COL8A1: variants seen among roughly 807,000 people sequenced by gnomAD.
The protein encoded by COL8A1 is collagen alpha-1(VIII) chain.
COL8A1 carries 21 observed loss-of-function variants against 42.7 expected under a neutral mutation model. That is an observed-to-expected ratio of 0.49 (90% CI 0.35 to 0.71). COL8A1 has a LOEUF of 0.71. COL8A1 is among the 30% of genes least tolerant of loss of function. COL8A1 has a pLI of 0.01. For missense variants in COL8A1, 788 were observed against 962.4 expected, an observed-to-expected ratio of 0.82 and a Z score of 2.40; for synonymous variants, 367 against 369.1, an observed-to-expected ratio of 0.99 and a Z score of 0.06.
chr3:99,650,770 T>A (rs2107289308), intron 1 of COL8A1, among the ~76,000 whole-genome samples: 1 of 152,292 alleles, frequency 6.6e-6, no homozygotes, highest in East Asian at 1.9e-4. Context: ...TTTATTTTAA[T>A]CTCTTTAAAT....
intron 1 of COL8A1, among the ~76,000 whole-genome samples, chr3:99,642,549 C>A (rs1299186807): frequency 6.6e-6 from 1 of 152,214 alleles, no homozygotes; most frequent in Non-Finnish European, 1.5e-5. Flanking sequence ...ACACACCTGA[C>A]AATTCACCTT....
intron 1 of COL8A1, among the ~76,000 whole-genome samples, chr3:99,734,566 T>C (rs557998742): frequency 5.3e-5 from 8 of 152,170 alleles, no homozygotes; most frequent in Non-Finnish European, 8.8e-5. Flanking sequence ...TGTAGTATAG[T>C]TTGAAGTCAG....
At chr3:99,709,911 C>A (rs1048199031) in intron 1 of COL8A1, among the ~76,000 whole-genome samples, 3 of 152,176 alleles carry the variant, frequency 2.0e-5, no homozygotes, top group Admixed American at 6.5e-5. Flanking sequence ...CTTTTAAGAG[C>A]CAACTCCCTT....
chr3:99,700,645 C>CT (rs1359448351), intron 1 of COL8A1, among the ~76,000 whole-genome samples: 12 of 152,226 alleles, frequency 7.9e-5, no homozygotes, highest in African/African-American at 2.6e-4. Context: ...ATTTGGCTGC[C>CT]TTTTTTCCAT....
In COL8A1 at chr3:99,774,658, C is replaced by T. The variant is rs1269244506; in HGVS notation, c.-3-16022C>T. On this transcript the variant is annotated intron_variant, in intron 2 of 3. Transcript: ENST00000652472. The stretch of plus-strand genomic sequence containing the variant: ...ACACGTGAACAAGAGTTTAATGTTT[C>T]CCTGTTACTCATTTCACAGAGATTG... Among the ~76,000 whole-genome samples the T allele has an allele frequency of 2.0e-5, 3 of 152,106 alleles. No individual in the cohort carries two copies. In the East Asian group the frequency reaches 5.8e-4, roughly 30 times the overall value.
intron 1 of COL8A1, among the ~76,000 whole-genome samples, chr3:99,666,320 C>A (rs1383027093): frequency 2.0e-5 from 3 of 152,196 alleles, no homozygotes; most frequent in Non-Finnish European, 1.5e-5. Flanking sequence ...TCTCTGCTTG[C>A]TGCAAGGTCC....
At chr3:99,726,158 A>G (rs1216908318) in intron 1 of COL8A1, among the ~76,000 whole-genome samples, 1 of 152,126 alleles carries the variant, frequency 6.6e-6, no homozygotes, top group Non-Finnish European at 1.5e-5. Flanking sequence ...CATTTCTCTG[A>G]TGGCCAGTGA....
intron 1 of COL8A1, among the ~76,000 whole-genome samples, chr3:99,651,507 G>A (rs965715162): frequency 1.3e-5 from 2 of 152,242 alleles, no homozygotes; most frequent in Non-Finnish European, 2.9e-5. Flanking sequence ...GAGGTAGCAT[G>A]TCTTGGAATT....
intron 2 of COL8A1, among the ~76,000 whole-genome samples, chr3:99,772,158 G>A (rs1392521194): frequency 6.6e-6 from 1 of 152,130 alleles, no homozygotes; most frequent in Non-Finnish European, 1.5e-5. Flanking sequence ...TAAAATCAAA[G>A]GAGTTATCAA....
At chr3:99,776,015 C>T (rs764485438) in intron 2 of COL8A1, among the ~76,000 whole-genome samples, 8 of 152,142 alleles carry the variant, frequency 5.3e-5, no homozygotes, top group Non-Finnish European at 1.2e-4. Flanking sequence ...ACACAGCAGA[C>T]CTATGGAGGA....
intron 1 of COL8A1, among the ~76,000 whole-genome samples, chr3:99,648,948 T>G (rs1308091126): frequency 2.6e-5 from 4 of 152,124 alleles, no homozygotes; most frequent in African/African-American, 9.7e-5. Flanking sequence ...TAAATATACC[T>G]CAAGCCCTTC....
chr3:99,643,178 G>A (rs1402476808), intron 1 of COL8A1, among the ~76,000 whole-genome samples: 1 of 152,224 alleles, frequency 6.6e-6, no homozygotes, highest in Non-Finnish European at 1.5e-5. Flanking sequence ...TAACTGCAGT[G>A]TGGCTCCTCG....
chr3:99,707,239 T>C (rs539623460), intron 1 of COL8A1: 2 of 152,132 alleles, frequency 1.3e-5, no homozygotes, highest in Admixed American at 1.3e-4. Context: ...AGACACACAG[T>C]AAATTAACCC....
chr3:99,789,457 T>C (rs1388700481), intron 2 of COL8A1, among the ~76,000 whole-genome samples: 1 of 152,178 alleles, frequency 6.6e-6, no homozygotes, highest in Non-Finnish European at 1.5e-5. Context: ...TTATACATTG[T>C]GAGCATGGAG....
At chr3:99,752,647 T>G (rs1329607998) in intron 2 of COL8A1, among the ~76,000 whole-genome samples, 1 of 151,992 alleles carries the variant, frequency 6.6e-6, no homozygotes, top group Non-Finnish European at 1.5e-5. Flanking sequence ...CTCCTATCAA[T>G]TGAGATGAGG....
intron 2 of COL8A1, among the ~76,000 whole-genome samples, chr3:99,778,766 C>T (rs1400080105): frequency 6.6e-6 from 1 of 152,094 alleles, no homozygotes; most frequent in Non-Finnish European, 1.5e-5. Context: ...TAACATCGAT[C>T]CAGTGTTCGG....
chr3:99,657,259 G>C (rs1425971444), intron 1 of COL8A1, among the ~76,000 whole-genome samples: 2 of 152,118 alleles, frequency 1.3e-5, no homozygotes, highest in African/African-American at 4.8e-5. Context: ...TTTCTTAGAC[G>C]TTGTCACAAT....
At chr3:99,742,962 G>A (rs1940935593) in intron 1 of COL8A1, among the ~76,000 whole-genome samples, 1 of 152,120 alleles carries the variant, frequency 6.6e-6, no homozygotes, top group African/African-American at 2.4e-5. Context: ...AGGGAAGAGT[G>A]GAATCTAATT....
rs148970295 is a variant in COL8A1, at chr3:99,779,261, A to C, written c.-3-11419A>C. Reference sequence around the variant, plus strand: ...TGAATTTTTTAGACATAACTGTTTAAATATGGTAAACAATAAATAAATGTT... The same window carrying C: ...TGAATTTTTTAGACATAACTGTTTACATATGGTAAACAATAAATAAATGTT... On this transcript the variant is annotated intron_variant, in intron 2 of 3. Coordinates refer to ENST00000652472, the MANE Select transcript of COL8A1 (RefSeq NM_020351.4). Among the ~76,000 whole-genome samples the C allele has an allele frequency of 1.9e-4, 29 of 152,338 alleles. No homozygotes were observed. The East Asian group carries it at 5.4e-3, about 28-fold the overall frequency.
Sources: gnomAD v4.1 joint callset for allele counts (sites outside exome capture counted in the v4.1 genomes callset) on GRCh38, gnomAD v4.1.1 for gene constraint, MANE v1.5 for transcripts, NCBI Gene and HGNC (gene_info 2026-07-23, HGNC 2026-07-21) for gene names.